The following ATP8B1 variants were observed in gnomAD, a reference collection of about 807,000 sequenced individuals.
ATP8B1 encodes ATPase phospholipid transporting 8B1.
ATP8B1 carries 80 observed loss-of-function variants against 149.9 expected under a neutral mutation model. The ratio of observed to expected loss-of-function variants is 0.53; its 90% CI spans 0.45 to 0.64. ATP8B1 has a LOEUF of 0.64. ATP8B1 is among the 30% of genes least tolerant of loss of function. ATP8B1 has a pLI of 0.00. For missense variants in ATP8B1, 1,247 were observed against 1,552.6 expected (o/e 0.80, Z 3.31); for synonymous variants, 536 against 562.8 (o/e 0.95, Z 0.67).
intron 1 of ATP8B1, among the ~76,000 whole-genome samples, chr18:57,796,569 C>T (rs78145887): frequency 7.0e-4 from 106 of 152,304 alleles, no homozygotes; most frequent in African/African-American, 2.3e-3. Context: ...TTTAATTTTT[C>T]AATATAAAGA....
rs550808723 is a variant in ATP8B1 at position 57,708,299 on chromosome 18, A to G, written c.182-1712T>C. ...TTTGGCTGCCTTTCATCGGGTAATCATAACAGTTGTGTTATTACAAATGAA... is the reference window on the plus strand; with the variant it reads ...TTTGGCTGCCTTTCATCGGGTAATCGTAACAGTTGTGTTATTACAAATGAA... On this transcript the variant is annotated intron_variant, in intron 2 of 27. Transcript: ENST00000648908. 7.9e-5 allele frequency among the ~76,000 whole-genome samples: 12 copies of G among 152,194 alleles called. No individual in the cohort carries two copies. The South Asian group carries it at 2.5e-3, about 32-fold the overall frequency.
chr18:57,682,824 T>C (rs1394781745), intron 15 of ATP8B1, among the ~76,000 whole-genome samples: 1 of 152,142 alleles, frequency 6.6e-6, no homozygotes, highest in Non-Finnish European at 1.5e-5. Flanking sequence ...CATGTACAGC[T>C]TCTATACATT....
intron 15 of ATP8B1, among the ~76,000 whole-genome samples, chr18:57,676,409 T>TA (rs35902795): frequency 0.13 from 18,380 of 143,158 alleles, 1,273 homozygotes; most frequent in African/African-American, 0.14. Flanking sequence ...TTCTCCTTAT[T>TA]AAAAAAAAAA....
At chr18:57,657,608 T>C (rs1910092814) in intron 22 of ATP8B1, among the ~76,000 whole-genome samples, 1 of 152,234 alleles carries the variant, frequency 6.6e-6, no homozygotes, top group Admixed American at 6.5e-5. Flanking sequence ...CAGAACAAAC[T>C]GCATCTCATA....
At chr18:57,725,708 G>T (rs1226905530) in intron 2 of ATP8B1, among the ~76,000 whole-genome samples, 1 of 152,142 alleles carries the variant, frequency 6.6e-6, no homozygotes, top group Non-Finnish European at 1.5e-5. Context: ...ACAGAAAAGA[G>T]AACTCAGAGA....
In ATP8B1 at chr18:57,662,621, G is replaced by A. The variant is rs938580741; in HGVS notation, c.2286-6C>T. On this transcript the variant is annotated splice_polypyrimidine_tract_variant and splice_region_variant and intron_variant, in intron 20 of 27. Transcript: ENST00000648908. ...TCCTTGCATGAAGAAGAGAACTAGG[G>A]GAAACCAAATTTCAGTGTTTAAAGT... The A allele has an allele frequency of 1.2e-6, 2 of 1,613,866 alleles. No individual in the cohort carries two copies. Among genetic ancestry groups the A allele is most frequent in the Admixed American group, 1.7e-5 (1 of 59,968 alleles).
At chr18:57,735,598 A>G (rs1002295964) in intron 1 of ATP8B1, 6 of 152,274 alleles carry the variant, frequency 3.9e-5, no homozygotes, top group Admixed American at 3.3e-4. Context: ...CCCTGGTAAC[A>G]CTGGCAGTAC....
At chr18:57,763,659 T>A (rs1391138549) in intron 1 of ATP8B1, among the ~76,000 whole-genome samples, 1 of 150,650 alleles carries the variant, frequency 6.6e-6, no homozygotes, top group East Asian at 2.0e-4. Context: ...GAAGAAAGTT[T>A]GGAAAACTTT....
chr18:57,724,077 T>C (rs1366559555), intron 2 of ATP8B1, among the ~76,000 whole-genome samples: 1 of 152,016 alleles, frequency 6.6e-6, no homozygotes, highest in East Asian at 1.9e-4. Context: ...ATCCCTTCCC[T>C]ACACCTTATA....
intron 15 of ATP8B1, among the ~76,000 whole-genome samples, chr18:57,681,257 GA>G (rs138665522): frequency 0.2 from 29,937 of 151,976 alleles, 3,486 homozygotes; most frequent in South Asian, 0.29. Context: ...CAACCCAGTT[GA>G]TAAAGAATAA....
At chr18:57,797,657 G>T (rs2080527451) in intron 1 of ATP8B1, among the ~76,000 whole-genome samples, 1 of 150,546 alleles carries the variant, frequency 6.6e-6, no homozygotes, top group Admixed American at 6.6e-5. Context: ...GAGGGACAAG[G>T]TCCCAAGCAG....
chr18:57,712,723 CAA>C (rs934180375), intron 2 of ATP8B1, among the ~76,000 whole-genome samples: 5 of 151,674 alleles, frequency 3.3e-5, no homozygotes, highest in African/African-American at 1.2e-4. Context: ...CTCACTGCTC[CAA>C]AAGAGACCTC....
At chr18:57,703,304 T>C (rs1913219538) in intron 4 of ATP8B1, among the ~76,000 whole-genome samples, 1 of 152,088 alleles carries the variant, frequency 6.6e-6, no homozygotes, top group Admixed American at 6.6e-5. Flanking sequence ...GCGCAGTGGC[T>C]CATGCTTGTA....
At chr18:57,731,063 G>A (rs767214075) in intron 2 of ATP8B1, among the ~76,000 whole-genome samples, 1 of 152,036 alleles carries the variant, frequency 6.6e-6, no homozygotes. Flanking sequence ...AGAGGTTGAG[G>A]TGGGCAGATC....
Position 57,652,606 on chromosome 18 carries a change from G to A in ATP8B1, c.3139C>T (p.Leu1047Phe). Reference protein sequence around the residue: ...LLHGVLTSMILFFIPLGAYLQ... With the variant: ...LLHGVLTSMIFFFIPLGAYLQ... ...TAAGCTCCAAGAGGTATGAAGAAGA[G>A]GATCATCGATGTTAGGACCCCATGC... Residue 1047 changes from leucine (L) to phenylalanine (F), a missense_variant, in exon 25 of 28, where the codon CTC becomes TTC. Physicochemically the swap from Leu to Phe is conservative, Grantham distance 22. Coordinates refer to ENST00000648908, the MANE Select transcript of ATP8B1 (RefSeq NM_001374385.1). The A allele has an allele frequency of 6.2e-7, 1 of 1,614,106 alleles. No homozygotes were observed.
chr18:57,694,551 T>G, intron 11 of ATP8B1, 31 bp downstream of exon 11: 1 of 1,367,996 alleles, frequency 7.3e-7, no homozygotes, highest in Non-Finnish European at 1.0e-6. Context: ...GCAATCTAGA[T>G]GAGAGATCTA....
intron 6 of ATP8B1, among the ~76,000 whole-genome samples, chr18:57,699,257 CT>C (rs929813706): frequency 2.6e-5 from 4 of 152,166 alleles, no homozygotes; most frequent in Non-Finnish European, 4.4e-5. Context: ...GTTTAGATGG[CT>C]TTTTTTCCTT....
chr18:57,737,695 G>A (rs1240616566), intron 1 of ATP8B1: 6 of 151,994 alleles, frequency 3.9e-5, no homozygotes, highest in Admixed American at 1.3e-4. Flanking sequence ...AGGGTTCTGT[G>A]GCATTAAGTG....
chr18:57,750,605 C>T (rs75170547), intron 1 of ATP8B1, among the ~76,000 whole-genome samples: 6,867 of 152,258 alleles, frequency 0.045, 414 homozygotes, highest in East Asian at 0.24. Context: ...CGCAGCTAGG[C>T]CTGCCTTATA....
Sources: gnomAD v4.1 joint callset for allele counts (sites outside exome capture counted in the v4.1 genomes callset) on GRCh38, gnomAD v4.1.1 for gene constraint, MANE v1.5 for transcripts, NCBI Gene and HGNC (gene_info 2026-07-23, HGNC 2026-07-21) for gene names.